CABLES2: variants seen among roughly 807,000 people sequenced by gnomAD.
CABLES2 encodes the protein CDK5 and ABL1 enzyme substrate 2.
Under a neutral mutation model 44.8 loss-of-function variants are expected in CABLES2, and 35 were observed. That is an observed-to-expected ratio of 0.78 (90% CI 0.60 to 1.04). CABLES2 has a LOEUF of 1.04. CABLES2 is among the 50% of genes least tolerant of loss of function. The pLI is 0.00. For missense variants in CABLES2, 566 were observed against 615.7 expected (o/e 0.92, Z 0.85); for synonymous variants, 282 against 281.1 (o/e 1.00, Z -0.03).
In CABLES2 at chr20:62,395,870, GAC is replaced by G. The variant is rs571530123; in HGVS notation, c.527+443_527+444del. The stretch of plus-strand genomic sequence containing the variant: ...CAGGAACAGCCCCTGCGGCCTCCCC[GAC>G]ACAGCCTCTCAGGGTGCAGCCGGTG... On this transcript the variant is annotated intron_variant, in intron 3 of 9. Coordinates refer to ENST00000279101, the MANE Select transcript of CABLES2 (RefSeq NM_031215.3). 2.4e-3 allele frequency among the ~76,000 whole-genome samples: 365 copies of G among 152,334 alleles called. 1 individual carries two copies. The highest frequency in any genetic ancestry group is 0.016 in the South Asian group (78 of 4,826).
At chr20:62,399,104 G>A (rs1988139363) in intron 1 of CABLES2, among the ~76,000 whole-genome samples, 1 of 152,130 alleles carries the variant, frequency 6.6e-6, no homozygotes. Context: ...CTGCCTCCAT[G>A]CCCGACAATT....
chr20:62,407,010 G>T lies in CABLES2; in HGVS notation c.267C>A (p.Pro89=). The T allele has an allele frequency of 2.5e-6, 3 of 1,177,572 alleles. No homozygotes were observed. The highest frequency in any genetic ancestry group is 8.4e-5 in the South Asian group (2 of 23,842). 72.9% of individuals were successfully genotyped at this position (1,177,572 alleles called of 1,614,324 possible). A position where few individuals can be genotyped will look rare whatever the true frequency, so the allele number is the denominator to read the frequency against. The change falls in exon 1 of 10, where the codon CCC becomes CCA. Residue 89 remains proline (P), a synonymous_variant. Transcript: ENST00000279101. Reference sequence around the variant, plus strand: ...GGGTCCTGGCGGGCAGCCCGGTGGGGGGCTCCGGCGGCGGCGGCGCTGGCG... The same window carrying T: ...GGGTCCTGGCGGGCAGCCCGGTGGGTGGCTCCGGCGGCGGCGGCGCTGGCG... The part of the protein sequence containing the change: ...REPPAPPPPE[P]PTGLPARTPA...
intron 1 of CABLES2, among the ~76,000 whole-genome samples, chr20:62,400,329 A>G (rs941652398): frequency 6.6e-6 from 1 of 151,960 alleles, no homozygotes; most frequent in Non-Finnish European, 1.5e-5. Context: ...GGGCAGTGGG[A>G]GGGGCAGAGC....
chr20:62,388,854 T>C lies in CABLES2; in HGVS notation c.*2117A>G. 4.0e-6 allele frequency: 1 copy of C among 247,322 alleles called. No homozygotes were observed. Among genetic ancestry groups the C allele is most frequent in the Admixed American group, 5.1e-5 (1 of 19,454 alleles). The allele number at this position is 247,322 out of a possible 1,614,324, so 15.3% of individuals were successfully genotyped here. On this transcript the variant is annotated 3_prime_UTR_variant, in exon 10 of 10. Transcript: ENST00000279101. ...GGATGTGTTCTAGAGAATGACAGGC[T>C]GAGACTGTAGTTTGGTTTAACTACT...
chr20:62,394,897 T>C (rs372865056), intron 4 of CABLES2, 40 bp downstream of exon 4: 7 of 1,586,894 alleles, frequency 4.4e-6, no homozygotes, highest in Non-Finnish European at 6.0e-6. Flanking sequence ...GCCTTCTGCC[T>C]AGATGGACAC....
intron 1 of CABLES2, among the ~76,000 whole-genome samples, chr20:62,398,865 G>A (rs1329279695): frequency 2.6e-5 from 4 of 152,258 alleles, no homozygotes; most frequent in Admixed American, 1.3e-4. Context: ...GTACGGAGAG[G>A]CCTGGCCCTT....
At chr20:62,397,536 C>T (rs1988041717) in intron 1 of CABLES2, among the ~76,000 whole-genome samples, 1 of 152,228 alleles carries the variant, frequency 6.6e-6, no homozygotes, top group Admixed American at 6.5e-5. Flanking sequence ...CTCAGACCCT[C>T]AACACTCGGG....
intron 1 of CABLES2, chr20:62,402,164 C>T (rs1988201316): frequency 6.6e-6 from 1 of 152,248 alleles, no homozygotes; most frequent in South Asian, 2.1e-4. Flanking sequence ...TCTGCTGACA[C>T]ACCTCACTCA....
chr20:62,391,203 C>T lies in CABLES2; in HGVS notation c.1296+46G>A, dbSNP rs781013258. ...CCCCATCCCAGCAGTGGCCCTGGCT[C>T]GATGTCATGACCCTGCCTGCAGTGC... On this transcript the variant is annotated intron_variant, in intron 9 of 9. Transcript: ENST00000279101. The surrounding 1 kb of genome is among the most constrained non-coding windows in gnomAD (Gnocchi z 5.7). 31 of 1,602,642 alleles carry T rather than the reference C, an allele frequency of 1.9e-5. No homozygotes were observed. Among genetic ancestry groups the T allele is most frequent in the Middle Eastern group, 1.7e-4 (1 of 6,060 alleles).
At chr20:62,400,941 A>G (rs1353643867) in intron 1 of CABLES2, among the ~76,000 whole-genome samples, 1 of 152,178 alleles carries the variant, frequency 6.6e-6, no homozygotes, top group Non-Finnish European at 1.5e-5. Context: ...AGTAAACTAG[A>G]TCTGCACAGT....
At position 62,407,188 on chromosome 20, in the gene CABLES2, C is replaced by G; in HGVS notation, c.89G>C (p.Arg30Pro). 1.0e-6 allele frequency: 1 copy of G among 988,736 alleles called. No homozygotes were observed. 61.2% of individuals were successfully genotyped at this position (988,736 alleles called of 1,614,324 possible). ...CCTCCGCAGCGCCTGCGGCGGGGCC[C>G]GAGCGGCCGAGGTCGGCGCGGCGGG... The part of the protein sequence containing the change: ...PPPAAPTSAA[R>P]APPQALRRRG... The change falls in exon 1 of 10, where the codon CGG (arginine) becomes CCG (proline). Residue 30 changes from arginine to proline, a missense_variant. Physicochemically the swap from Arg to Pro is moderately radical, Grantham distance 103. Coordinates refer to ENST00000279101, the MANE Select transcript of CABLES2 (RefSeq NM_031215.3).
intron 1 of CABLES2, among the ~76,000 whole-genome samples, chr20:62,406,663 A>T (rs1353589795): frequency 2.4e-4 from 9 of 37,260 alleles, no homozygotes; most frequent in Admixed American, 2.3e-3. Flanking sequence ...ACTGACCCTG[A>T]CCCCTGTGTC....
Position 62,398,198 on chromosome 20 carries a change from GGTGGTGATGGTGAT to G in CABLES2, c.363-1620_363-1607del, listed in dbSNP as rs1478244705. 4.9e-4 allele frequency among the ~76,000 whole-genome samples: 65 copies of G among 132,856 alleles called. 2 individuals are homozygous for G. Among genetic ancestry groups the G allele is most frequent in the African/African-American group, 1.7e-3 (61 of 36,270 alleles). 87.2% of individuals were successfully genotyped at this position (132,856 alleles called of 152,430 possible). ...TGGTGGTGGTGGTGATGGTGATGAT[GGTGGTGATGGTGAT>G]GTGATGGTGGTGGTGGTGACGGTGG... is the stretch of plus-strand genomic sequence containing the variant. On this transcript the variant is annotated intron_variant, in intron 1 of 9. Coordinates refer to ENST00000279101, the MANE Select transcript of CABLES2 (RefSeq NM_031215.3).
intron 1 of CABLES2, among the ~76,000 whole-genome samples, chr20:62,397,990 T>TGAC (rs1988065948): frequency 4.6e-5 from 2 of 43,608 alleles, no homozygotes; most frequent in Admixed American, 2.2e-4. Context: ...ATGGCGGTGG[T>TGAC]GGTGATGATG....
intron 1 of CABLES2, chr20:62,405,719 C>T (rs548023097): frequency 1.3e-5 from 2 of 152,426 alleles, no homozygotes; most frequent in Non-Finnish European, 2.9e-5. Flanking sequence ...GCAAGGAGCA[C>T]GTGCCAGCCT....
Position 62,407,200 on chromosome 20 carries a change from G to T in CABLES2, c.77C>A (p.Thr26Asn). Residue 26 changes from threonine to asparagine, a missense_variant, in exon 1 of 10, where the codon ACC becomes AAC. Thr to Asn is a moderately conservative substitution (Grantham distance 65, BLOSUM62 0). Transcript: ENST00000279101. ...PAGPPPPAAPTSAARAPPQAL... is the reference protein window; with the variant it reads ...PAGPPPPAAPNSAARAPPQAL... ...CTGCGGCGGGGCCCGAGCGGCCGAG[G>T]TCGGCGCGGCGGGTGGCGGGGGCCC... 1 of 983,540 alleles carries T rather than the reference G, an allele frequency of 1.0e-6. No homozygotes were observed. The highest frequency in any genetic ancestry group is 1.2e-6 in the Non-Finnish European group (1 of 830,096). The allele number at this position is 983,540 out of a possible 1,614,324, so 60.9% of individuals were successfully genotyped here.
Position 62,395,837 on chromosome 20 carries a change from C to T in CABLES2, c.527+478G>A, listed in dbSNP as rs569926152. 5.8e-4 allele frequency among the ~76,000 whole-genome samples: 88 copies of T among 152,318 alleles called. No homozygotes were observed. The South Asian group carries it at 0.016, about 28-fold the overall frequency. On this transcript the variant is annotated intron_variant, in intron 3 of 9. Transcript: ENST00000279101. ...CTCAGGACATGCAGTGATGGGAATA[C>T]GGGGCCACAGGAACAGCCCCTGCGG...
At position 62,390,645 on chromosome 20, in the gene CABLES2, A is replaced by G. The variant is rs1202683600; in HGVS notation, c.*326T>C. ...CACACTGCAGCCGGCTCGCTGCTGC[A>G]CGCTGTGAACAAAAGGTCCTGGTAC... On this transcript the variant is annotated 3_prime_UTR_variant, in exon 10 of 10. Transcript: ENST00000279101. The G allele has an allele frequency of 2.8e-6, 1 of 355,452 alleles. No homozygotes were observed. The highest frequency in any genetic ancestry group is 5.3e-6 in the Non-Finnish European group (1 of 188,202). 22.0% of individuals were successfully genotyped at this position (355,452 alleles called of 1,614,324 possible). A position where few individuals can be genotyped will look rare whatever the true frequency, so the allele number is the denominator to read the frequency against.
chr20:62,397,497 G>A (rs1988041209), intron 1 of CABLES2, among the ~76,000 whole-genome samples: 1 of 152,156 alleles, frequency 6.6e-6, no homozygotes, highest in Non-Finnish European at 1.5e-5. Flanking sequence ...CTTCCTTGAA[G>A]ACCCCTCAGG....
Sources: allele counts gnomAD v4.1 joint callset (sites outside exome capture counted in the v4.1 genomes callset), GRCh38; gene constraint gnomAD v4.1.1; non-coding constraint Gnocchi (gnomAD v3.1); transcripts MANE v1.5; gene names NCBI Gene and HGNC (gene_info 2026-07-23, HGNC 2026-07-21).